The following DIP2B variants were observed in gnomAD, a reference collection of about 807,000 sequenced individuals.
The protein encoded by DIP2B is DIP2 acetate--CoA ligase B (putative).
DIP2B carries 76 observed loss-of-function variants against 198.0 expected under a neutral mutation model. That is an observed-to-expected ratio of 0.38 (90% CI 0.32 to 0.46). DIP2B has a LOEUF of 0.46. Among genes scored for constraint, DIP2B ranks in the 20% least tolerant of loss-of-function variants. The probability of loss-of-function intolerance (pLI) is 0.99; values close to 1 mark genes in which losing one functional copy is unlikely to be tolerated. For synonymous variants in DIP2B, 701 were observed against 739.1 expected (o/e 0.95, Z 0.84); for missense variants, 1,559 against 1,978.4 (o/e 0.79, Z 4.02).
chr12:50,619,015 T>C (rs1937753135), intron 1 of DIP2B, among the ~76,000 whole-genome samples: 1 of 152,144 alleles, frequency 6.6e-6, no homozygotes, highest in Non-Finnish European at 1.5e-5. Flanking sequence ...CAAAAATGCT[T>C]TTCTTTCCTT....
At chr12:50,683,839 T>C (rs1939087200) in intron 10 of DIP2B, among the ~76,000 whole-genome samples, 1 of 151,494 alleles carries the variant, frequency 6.6e-6, no homozygotes, top group Non-Finnish European at 1.5e-5. Flanking sequence ...CAACTGGACA[T>C]GGTGGCTCAC....
chr12:50,673,422 TTTG>T (rs965135525), intron 5 of DIP2B, among the ~76,000 whole-genome samples: 1 of 152,198 alleles, frequency 6.6e-6, no homozygotes, highest in African/African-American at 2.4e-5. Context: ...TGTGGTGTTT[TTTG>T]TTGTTGTCGT....
chr12:50,713,354 T>C (rs1187573640), intron 22 of DIP2B, among the ~76,000 whole-genome samples: 3 of 152,246 alleles, frequency 2.0e-5, no homozygotes, highest in Non-Finnish European at 4.4e-5. Flanking sequence ...GAACAGAAGT[T>C]TTTTAGGAGC....
intron 1 of DIP2B, among the ~76,000 whole-genome samples, chr12:50,594,414 T>C (rs1055289957): frequency 6.6e-6 from 1 of 152,186 alleles, no homozygotes; most frequent in African/African-American, 2.4e-5. Flanking sequence ...AGTGTTTACC[T>C]CAAGGGATTT....
In DIP2B at chr12:50,727,703, A is replaced by G; in HGVS notation, c.3401A>G (p.Asp1134Gly). The G allele has an allele frequency of 6.2e-7, 1 of 1,613,648 alleles. No individual in the cohort carries two copies. The highest frequency in any genetic ancestry group is 1.7e-5 in the Admixed American group (1 of 59,978). ...VKTWPTIIDT[D>G]DLPRKRLPQL... ...ATCAGGTTTTTTCTTTTCATGGCAG[A>G]TGATTTACCCAGGAAAAGGTTACCT... is the stretch of plus-strand genomic sequence containing the variant. Residue 1134 changes from aspartate (D) to glycine (G), a missense_variant and splice_region_variant, in exon 29 of 38, where the codon GAT becomes GGT. Asp to Gly is a moderately conservative substitution (Grantham distance 94, BLOSUM62 -1). Transcript: ENST00000301180.
intron 8 of DIP2B, chr12:50,679,892 A>G (rs1214779413): frequency 6.6e-6 from 1 of 152,212 alleles, no homozygotes; most frequent in Non-Finnish European, 1.5e-5. Flanking sequence ...AGTTTCCTCA[A>G]GTGTCTGATA....
intron 1 of DIP2B, among the ~76,000 whole-genome samples, chr12:50,585,290 G>C (rs1255354635): frequency 1.3e-5 from 2 of 152,252 alleles, no homozygotes; most frequent in South Asian, 2.1e-4. Context: ...TAGAGCATTG[G>C]GCAAGGTAGA....
rs756178797 is a variant in DIP2B at position 50,718,691 on chromosome 12, T to G, written c.2852-18T>G. 16 of 1,611,216 alleles carry G rather than the reference T, an allele frequency of 9.9e-6. No homozygotes were observed. Among genetic ancestry groups the G allele is most frequent in the Admixed American group, 3.3e-5 (2 of 59,888 alleles). ...GAATCGCCATCTCCAGTGAGTTGGG[T>G]TTTGCATTTATTTACAGGTGTAGGC... On this transcript the variant is annotated intron_variant, in intron 23 of 37. Transcript: ENST00000301180.
intron 34 of DIP2B, among the ~76,000 whole-genome samples, chr12:50,736,378 T>A (rs539717573): frequency 6.6e-6 from 1 of 152,356 alleles, no homozygotes; most frequent in South Asian, 2.1e-4. Context: ...GCTTCTCAAG[T>A]AACCTCATAC....
At position 50,536,758 on chromosome 12, in the gene DIP2B, G is replaced by A. The variant is rs1430538082; in HGVS notation, c.100+31518G>A. ...AATTTTTGTATTTTTTGGTAGAGAC[G>A]GTGTTTCTCCAAGTTGACCAGGCTG... is the stretch of plus-strand genomic sequence containing the variant. On this transcript the variant is annotated intron_variant, in intron 1 of 37. Coordinates refer to ENST00000301180, the MANE Select transcript of DIP2B (RefSeq NM_173602.3). Among the ~76,000 whole-genome samples the A allele has an allele frequency of 5.3e-5, 8 of 151,768 alleles. No homozygotes were observed. The South Asian group carries it at 1.2e-3, about 24-fold the overall frequency.
At chr12:50,684,722 G>T (rs1483085380) in intron 10 of DIP2B, among the ~76,000 whole-genome samples, 1 of 152,070 alleles carries the variant, frequency 6.6e-6, no homozygotes, top group African/African-American at 2.4e-5. Flanking sequence ...AACCCGGGAG[G>T]TGGAGTTTGC....
At chr12:50,657,877 A>G (rs1938581023) in intron 3 of DIP2B, among the ~76,000 whole-genome samples, 1 of 152,282 alleles carries the variant, frequency 6.6e-6, no homozygotes, top group South Asian at 2.1e-4. Context: ...AGATCAGGAA[A>G]AAAGGTGGGA....
At chr12:50,567,268 A>G (rs1411156699) in intron 1 of DIP2B, among the ~76,000 whole-genome samples, 2 of 152,216 alleles carry the variant, frequency 1.3e-5, no homozygotes, top group East Asian at 1.9e-4. Flanking sequence ...ACTGTAGTAC[A>G]TTATTAATAC....
intron 1 of DIP2B, among the ~76,000 whole-genome samples, chr12:50,538,441 C>T (rs1004656677): frequency 6.6e-6 from 1 of 152,030 alleles, no homozygotes; most frequent in Non-Finnish European, 1.5e-5. Context: ...TGGAAAATAG[C>T]CCCACCCCAC....
At position 50,566,865 on chromosome 12, in the gene DIP2B, G is replaced by A. The variant is rs981625660; in HGVS notation, c.101-59111G>A. On this transcript the variant is annotated intron_variant, in intron 1 of 37. Coordinates refer to ENST00000301180, the MANE Select transcript of DIP2B (RefSeq NM_173602.3). Reference sequence around the variant, plus strand: ...CGGGCGCCTGTAGTCCCAGCTACTCGGGAGGCTGAGGCAGGAGAATGGTGT... The same window carrying A: ...CGGGCGCCTGTAGTCCCAGCTACTCAGGAGGCTGAGGCAGGAGAATGGTGT... 5.3e-5 allele frequency among the ~76,000 whole-genome samples: 8 copies of A among 151,894 alleles called. No individual in the cohort carries two copies. The South Asian group carries it at 1.0e-3, about 20-fold the overall frequency.
At chr12:50,518,189 A>G (rs1250135274) in intron 1 of DIP2B, among the ~76,000 whole-genome samples, 1 of 151,262 alleles carries the variant, frequency 6.6e-6, no homozygotes, top group Non-Finnish European at 1.5e-5. Context: ...TTTAGGAGTC[A>G]TGCTGAATTG....
At chr12:50,739,316 AAT>A in intron 35 of DIP2B, 91 bp from the exon 36 acceptor site, 1 of 1,420,200 alleles carries the variant, frequency 7.0e-7, no homozygotes, top group Non-Finnish European at 9.6e-7. Context: ...TTAATATAAA[AAT>A]GAGATTTAAA....
At chr12:50,679,045 A>G in intron 8 of DIP2B, 169 bp downstream of exon 8, 3 of 776,934 alleles carry the variant, frequency 3.9e-6, no homozygotes, top group Non-Finnish European at 5.9e-6. Context: ...AAATATTTTC[A>G]TTTGCTAAAG....
chr12:50,549,985 T>C (rs1332198384), intron 1 of DIP2B, among the ~76,000 whole-genome samples: 3 of 152,174 alleles, frequency 2.0e-5, no homozygotes, highest in African/African-American at 7.2e-5. Flanking sequence ...TAACCCTCTC[T>C]TCTGTGTTAT....
Sources: gnomAD v4.1 joint callset for allele counts (sites outside exome capture counted in the v4.1 genomes callset) on GRCh38, gnomAD v4.1.1 for gene constraint, MANE v1.5 for transcripts, NCBI Gene and HGNC (gene_info 2026-07-23, HGNC 2026-07-21) for gene names.